The following FANCD2 variants were observed in gnomAD, a reference collection of about 807,000 sequenced individuals.
The protein encoded by FANCD2 is Fanconi anemia group D2 protein.
FANCD2 carries 131 observed loss-of-function variants against 192.3 expected under a neutral mutation model. The observed-to-expected ratio is 0.68, with a 90% CI of 0.59 to 0.79. The LOEUF is 0.79. Among genes scored for constraint, FANCD2 ranks in the 30% least tolerant of loss-of-function variants. The probability of loss-of-function intolerance (pLI) is 0.00; values close to 1 mark genes in which losing one functional copy is unlikely to be tolerated. For synonymous variants in FANCD2, 524 were observed against 612.5 expected (o/e 0.86, Z 2.13); for missense variants, 1,508 against 1,701.6 (o/e 0.89, Z 2.00).
chr3:10,031,640 G>A (rs2086606034), intron 2 of FANCD2, among the ~76,000 whole-genome samples: 1 of 152,126 alleles, frequency 6.6e-6, no homozygotes, highest in South Asian at 2.1e-4. Flanking sequence ...TTTATGGGTT[G>A]AAAGTCTTGG....
At position 10,096,614 on chromosome 3, in the gene FANCD2, A is replaced by C. The variant is rs35108101; in HGVS notation, c.4185+142A>C. 1.1e-3 allele frequency: 911 copies of C among 807,550 alleles called. 5 individuals carry two copies. In the African/African-American group the frequency reaches 0.013, roughly 12 times the overall value. The allele number at this position is 807,550 out of a possible 1,614,324, so 50.0% of individuals were successfully genotyped here. ...TAAGTCTGTGACTGTTTAACTCTTA[A>C]AGTTATGGTACATTACTCATGGGCC... On this transcript the variant is annotated intron_variant, in intron 42 of 43. Coordinates refer to ENST00000675286, the MANE Select transcript of FANCD2 (RefSeq NM_001018115.3).
intron 23 of FANCD2, 77 bp downstream of exon 23, chr3:10,064,952 AG>A: frequency 6.6e-7 from 1 of 1,506,738 alleles, no homozygotes; most frequent in Non-Finnish European, 9.2e-7. Flanking sequence ...TTGGTGGGGA[AG>A]TTGAGTCAAA....
intron 26 of FANCD2, among the ~76,000 whole-genome samples, chr3:10,071,486 CA>C (rs1193279490): frequency 6.6e-6 from 1 of 152,138 alleles, no homozygotes; most frequent in Non-Finnish European, 1.5e-5. Context: ...TCCGTATACA[CA>C]ATGGAGTACT....
At chr3:10,059,982 A>T (rs1365207431) in intron 18 of FANCD2, among the ~76,000 whole-genome samples, 1 of 152,016 alleles carries the variant, frequency 6.6e-6, no homozygotes, top group Non-Finnish European at 1.5e-5. Flanking sequence ...AGCCTAGCCA[A>T]CATGGTGAAA....
chr3:10,070,479 C>T, intron 26 of FANCD2, among the ~76,000 whole-genome samples: 1 of 114,310 alleles, frequency 8.7e-6, no homozygotes. Flanking sequence ...TCTGCCGGGC[C>T]AGCCTCCCGG....
At chr3:10,085,119 C>T (rs1008768394) in intron 32 of FANCD2, among the ~76,000 whole-genome samples, 7 of 152,144 alleles carry the variant, frequency 4.6e-5, no homozygotes, top group Non-Finnish European at 8.8e-5. Context: ...ATTGATTTAG[C>T]AGTTTGACAA....
At chr3:10,070,020 C>A (rs1320041902) in intron 26 of FANCD2, among the ~76,000 whole-genome samples, 3 of 148,912 alleles carry the variant, frequency 2.0e-5, no homozygotes, top group Admixed American at 6.7e-5. Flanking sequence ...AAGTGAGGAG[C>A]GTCTCTGCCC....
In FANCD2 at chr3:10,094,874, G is replaced by C. The variant is rs1694859380; in HGVS notation, c.3964-326G>C. On this transcript the variant is annotated intron_variant, in intron 40 of 43. Coordinates refer to ENST00000675286, the MANE Select transcript of FANCD2 (RefSeq NM_001018115.3). ...TTGAACAAAATACTCACCATATTTG[G>C]TTGGTCCCTCACAGCCCTGAAAGAG... is the stretch of plus-strand genomic sequence containing the variant. The C allele has an allele frequency of 7.6e-6, 3 of 394,862 alleles. No homozygotes were observed. The Admixed American group carries it at 1.1e-4, about 15-fold the overall frequency. 24.5% of individuals were successfully genotyped at this position (394,862 alleles called of 1,614,324 possible).
intron 24 of FANCD2, 137 bp from the exon 25 acceptor site, chr3:10,065,727 A>G (rs2087700786): frequency 2.8e-6 from 2 of 721,300 alleles, no homozygotes; most frequent in Admixed American, 2.1e-5. Context: ...ATGATATGCA[A>G]ATATTTTAAT....
chr3:10,041,840 C>CT, intron 10 of FANCD2, 130 bp downstream of exon 10: 1 of 636,234 alleles, frequency 1.6e-6, no homozygotes, highest in Non-Finnish European at 2.8e-6. Flanking sequence ...TTTGATATCT[C>CT]TCTTTTTTTT....
rs770003791 is a variant in FANCD2, at chr3:10,085,938, A to G, written c.3335+16A>G. Reference sequence around the variant, plus strand: ...AACTACTCAGGTGAGTCATAACTACATAGCCAAGATTGTTGTCCCAAGAAA... The same window carrying G: ...AACTACTCAGGTGAGTCATAACTACGTAGCCAAGATTGTTGTCCCAAGAAA... On this transcript the variant is annotated intron_variant, in intron 33 of 43. Coordinates refer to ENST00000675286, the MANE Select transcript of FANCD2 (RefSeq NM_001018115.3). 4.6e-6 allele frequency: 7 copies of G among 1,531,418 alleles called. No individual in the cohort carries two copies. The highest frequency in any genetic ancestry group is 1.7e-5 in the Admixed American group (1 of 59,888). 94.9% of individuals were successfully genotyped at this position (1,531,418 alleles called of 1,614,324 possible).
At chr3:10,073,599 C>CT (rs1394790285) in intron 28 of FANCD2, among the ~76,000 whole-genome samples, 1 of 152,160 alleles carries the variant, frequency 6.6e-6, no homozygotes, top group Non-Finnish European at 1.5e-5. Flanking sequence ...GTTTTACTCC[C>CT]TTTTTTGTAC....
intron 29 of FANCD2, 44 bp from the exon 30 acceptor site, chr3:10,078,037 T>G: frequency 7.7e-7 from 1 of 1,290,844 alleles, no homozygotes; most frequent in East Asian, 2.3e-5. Context: ...TATCATGAAA[T>G]GACTAGGACA....
intron 7 of FANCD2, among the ~76,000 whole-genome samples, chr3:10,038,295 G>T (rs2086780759): frequency 6.6e-6 from 1 of 152,028 alleles, no homozygotes; most frequent in Admixed American, 6.6e-5. Flanking sequence ...CCCACTGAAG[G>T]TTTATTTTTT....
chr3:10,028,632 T>A lies in FANCD2; in HGVS notation c.-26T>A. 6.2e-7 allele frequency: 1 copy of A among 1,608,886 alleles called. No homozygotes were observed. On this transcript the variant is annotated 5_prime_UTR_variant, in exon 2 of 44. Coordinates refer to ENST00000675286, the MANE Select transcript of FANCD2 (RefSeq NM_001018115.3). ...TTCCCGATTTTGCTCTAGGAAGTAATTTAAGTGCACAAGACATTGGTCAAA... is the reference window on the plus strand; with the variant it reads ...TTCCCGATTTTGCTCTAGGAAGTAAATTAAGTGCACAAGACATTGGTCAAA...
chr3:10,068,553 A>C (rs545190433), intron 26 of FANCD2, among the ~76,000 whole-genome samples: 16 of 152,146 alleles, frequency 1.1e-4, no homozygotes, highest in Admixed American at 7.9e-4. Flanking sequence ...AATATTGTTA[A>C]AATTTCCATG....
At chr3:10,048,291 A>G (rs1241396321) in intron 16 of FANCD2, among the ~76,000 whole-genome samples, 1 of 152,204 alleles carries the variant, frequency 6.6e-6, no homozygotes, top group Admixed American at 6.5e-5. Context: ...TCCATTTCAA[A>G]ACATGAGACA....
Position 10,028,843 on chromosome 3 carries a change from A to T in FANCD2, c.64+122A>T, listed in dbSNP as rs913387411. ...AAAGTGTAATGAATGGAGTGCACAG[A>T]ATTAAGGGAGAAATATCAGATTTGG... On this transcript the variant is annotated intron_variant, in intron 2 of 43. Transcript: ENST00000675286. 17 of 880,742 alleles carry T rather than the reference A, an allele frequency of 1.9e-5. No homozygotes were observed. The South Asian group carries it at 2.3e-4, about 12-fold the overall frequency. The allele number at this position is 880,742 out of a possible 1,614,324, so 54.6% of individuals were successfully genotyped here. A position where few individuals can be genotyped will look rare whatever the true frequency, so the allele number is the denominator to read the frequency against.
chr3:10,075,904 G>A (rs908227672), intron 29 of FANCD2, among the ~76,000 whole-genome samples: 4 of 151,254 alleles, frequency 2.6e-5, no homozygotes, highest in African/African-American at 4.9e-5. Context: ...CTAATTTTTT[G>A]TATTTTTAAT....
Sources: gnomAD v4.1 joint callset for allele counts (sites outside exome capture counted in the v4.1 genomes callset) on GRCh38, gnomAD v4.1.1 for gene constraint, MANE v1.5 for transcripts, NCBI Gene and HGNC (gene_info 2026-07-23, HGNC 2026-07-21) for gene names.